The following ENPP3 variants were observed in gnomAD, a reference collection of about 807,000 sequenced individuals.
The protein encoded by ENPP3 is ectonucleotide pyrophosphatase/phosphodiesterase family member 3.
ENPP3 carries 104 observed loss-of-function variants against 117.8 expected under a neutral mutation model. The observed-to-expected ratio is 0.88, with a 90% CI of 0.75 to 1.04. The LOEUF (loss-of-function observed/expected upper bound fraction) is 1.04, where lower values mean the gene tolerates loss of function less well. Ranked by LOEUF, ENPP3 falls within the 50% of genes least tolerant of loss-of-function variation. The pLI is 0.00. For missense variants in ENPP3, 1,026 were observed against 1,051.9 expected (o/e 0.98, Z 0.34); for synonymous variants, 380 against 349.9 (o/e 1.09, Z -0.96).
intron 15 of ENPP3, chr6:131,710,081 C>G: frequency 6.2e-7 from 1 of 1,613,742 alleles, no homozygotes; most frequent in Non-Finnish European, 8.5e-7. Context: ...TTCAAAGCTC[C>G]TTTCGGAGGA....
chr6:131,683,900 A>G (rs529849267), intron 12 of ENPP3, among the ~76,000 whole-genome samples: 117 of 151,930 alleles, frequency 7.7e-4, no homozygotes, highest in Middle Eastern at 3.4e-3. Context: ...ACAGGCGCCC[A>G]CCACCACGCC....
intron 19 of ENPP3, among the ~76,000 whole-genome samples, chr6:131,724,880 T>A (rs1332475218): frequency 6.6e-6 from 1 of 151,730 alleles, no homozygotes; most frequent in African/African-American, 2.4e-5. Flanking sequence ...ATTAGGTTGG[T>A]GCAAAATTAA....
intron 11 of ENPP3, among the ~76,000 whole-genome samples, chr6:131,678,711 A>G (rs1383333069): frequency 6.6e-6 from 1 of 151,738 alleles, no homozygotes; most frequent in Admixed American, 6.6e-5. Context: ...CTTTTTTTAA[A>G]TTCCTTCCTA....
intron 7 of ENPP3, among the ~76,000 whole-genome samples, chr6:131,673,307 A>G (rs1022430116): frequency 6.6e-6 from 1 of 152,294 alleles, no homozygotes. Context: ...ATGCCCATCA[A>G]TGACAGACTA....
At chr6:131,670,743 C>T (rs184751275) in intron 6 of ENPP3, among the ~76,000 whole-genome samples, 1 of 152,282 alleles carries the variant, frequency 6.6e-6, no homozygotes, top group East Asian at 1.9e-4. Flanking sequence ...TCTGCCGTCT[C>T]AGCCTCCCAA....
intron 13 of ENPP3, among the ~76,000 whole-genome samples, 181 bp downstream of exon 13, chr6:131,685,676 C>G (rs1779139700): frequency 6.6e-6 from 1 of 151,956 alleles, no homozygotes; most frequent in Non-Finnish European, 1.5e-5. Context: ...ATGGTAATAT[C>G]TAATATTGTT....
chr6:131,717,167 G>C (rs1206933686), intron 15 of ENPP3, among the ~76,000 whole-genome samples: 2 of 152,028 alleles, frequency 1.3e-5, no homozygotes, highest in African/African-American at 2.4e-5. Context: ...GGGTAGAGTT[G>C]AGTGAGTGTG....
intron 5 of ENPP3, among the ~76,000 whole-genome samples, chr6:131,654,098 T>A (rs1284396124): frequency 6.8e-6 from 1 of 146,760 alleles, no homozygotes; most frequent in African/African-American, 2.5e-5. Context: ...AGGCAGTTTT[T>A]AAATTTAAGT....
chr6:131,645,482 T>TCA (rs1778136179), intron 2 of ENPP3, among the ~76,000 whole-genome samples: 1 of 152,262 alleles, frequency 6.6e-6, no homozygotes, highest in Non-Finnish European at 1.5e-5. Context: ...GGATGGTTGA[T>TCA]ATTTCCATTA....
intron 12 of ENPP3, among the ~76,000 whole-genome samples, chr6:131,683,945 G>T (rs1779090340): frequency 2.0e-5 from 3 of 152,012 alleles, no homozygotes; most frequent in Non-Finnish European, 4.4e-5. Context: ...TAGCGATGGG[G>T]TTTCACCGTG....
At chr6:131,730,575 T>C (rs1780254903) in intron 20 of ENPP3, among the ~76,000 whole-genome samples, 1 of 152,194 alleles carries the variant, frequency 6.6e-6, no homozygotes, top group African/African-American at 2.4e-5. Flanking sequence ...TACACTTAAT[T>C]GGTGTTTTAG....
rs1562446923 is a variant in ENPP3 at position 131,679,033 on chromosome 6, CTTTCTTTCT to C, written c.1011+1096_1011+1104del. 7.6e-4 allele frequency among the ~76,000 whole-genome samples: 76 copies of C among 99,396 alleles called. 1 individual carries two copies. Among genetic ancestry groups the C allele is most frequent in the Non-Finnish European group, 1.0e-3 (55 of 52,618 alleles). 65.2% of individuals were successfully genotyped at this position (99,396 alleles called of 152,430 possible). A position where few individuals can be genotyped will look rare whatever the true frequency, so the allele number is the denominator to read the frequency against. On this transcript the variant is annotated intron_variant, in intron 11 of 24. Transcript: ENST00000357639. ...TCCTTCCTTCCTTCCTTCCTTCTTT[CTTTCTTTCT>C]TTCTTTCTTTCTTTCTTTCTTTCTT...
chr6:131,732,674 GGAC>G (rs1190644765), intron 20 of ENPP3, among the ~76,000 whole-genome samples: 1 of 150,688 alleles, frequency 6.6e-6, no homozygotes, highest in Non-Finnish European at 1.5e-5. Context: ...TAAAGTGCTG[GGAC>G]TACTGGCATG....
Position 131,671,310 on chromosome 6 carries a change from C to A in ENPP3, c.625C>A (p.His209Asn). ...GTATCCTACCAAAACCTTCCCAAAT[C>A]ATTACACCATTGTCACGGTAAGTGC... Reference protein sequence around the residue: ...AMYPTKTFPNHYTIVTGLYPE... With the variant: ...AMYPTKTFPNNYTIVTGLYPE... Residue 209 changes from histidine (H) to asparagine (N), a missense_variant, in exon 7 of 25, where the codon CAT becomes AAT. Transcript: ENST00000357639. The A allele has an allele frequency of 1.9e-6, 3 of 1,598,704 alleles. No homozygotes were observed. In the South Asian group the frequency reaches 3.3e-5, roughly 18 times the overall value.
intron 15 of ENPP3, among the ~76,000 whole-genome samples, chr6:131,696,498 G>T (rs1265128535): frequency 6.6e-6 from 1 of 152,316 alleles, no homozygotes; most frequent in South Asian, 2.1e-4. Context: ...GATAGGATAC[G>T]TGTTGCCATA....
At chr6:131,681,974 A>G (rs1779031905) in intron 11 of ENPP3, among the ~76,000 whole-genome samples, 1 of 152,034 alleles carries the variant, frequency 6.6e-6, no homozygotes, top group South Asian at 2.1e-4. Flanking sequence ...CTGGGATTAT[A>G]GGTGCCTGCC....
chr6:131,733,715 A>C lies in ENPP3; in HGVS notation c.2081A>C (p.Tyr694Ser). The C allele has an allele frequency of 4.3e-6, 7 of 1,614,024 alleles. No individual in the cohort carries two copies. Among genetic ancestry groups the C allele is most frequent in the Non-Finnish European group, 5.9e-6 (7 of 1,179,932 alleles). Residue 694 changes from tyrosine (Y) to serine (S), a missense_variant, in exon 21 of 25, where the codon TAT becomes TCT. Tyr to Ser is a moderately radical substitution (Grantham distance 144, BLOSUM62 -2). Transcript: ENST00000357639. ...ADKNITHGFL[Y>S]PPASNRTSDS... ...AAGAATATCACCCACGGCTTCCTCT[A>C]TCCTCCTGGTTAGTAGAACTCTTTT...
At chr6:131,649,039 T>G (rs556909714) in intron 2 of ENPP3, among the ~76,000 whole-genome samples, 1 of 152,362 alleles carries the variant, frequency 6.6e-6, no homozygotes, top group African/African-American at 2.4e-5. Flanking sequence ...GAAGTCATCC[T>G]TGGCTCATGC....
intron 20 of ENPP3, among the ~76,000 whole-genome samples, chr6:131,730,783 C>T (rs111754687): frequency 1.9e-3 from 296 of 152,082 alleles, no homozygotes; most frequent in African/African-American, 6.6e-3. Context: ...GGCGTGGTGG[C>T]GCATGCCTGT....
Sources: allele counts gnomAD v4.1 joint callset (sites outside exome capture counted in the v4.1 genomes callset), GRCh38; gene constraint gnomAD v4.1.1; transcripts MANE v1.5; gene names NCBI Gene and HGNC (gene_info 2026-07-23, HGNC 2026-07-21).